The following CLCN6 variants were observed in gnomAD, a reference collection of about 807,000 sequenced individuals.
The protein encoded by CLCN6 is H(+)/Cl(-) exchange transporter 6.
CLCN6 carries 70 observed loss-of-function variants against 109.8 expected under a neutral mutation model. The ratio of observed to expected loss-of-function variants is 0.64; its 90% CI spans 0.53 to 0.78. CLCN6 has a LOEUF of 0.78. CLCN6 is among the 30% of genes least tolerant of loss of function. The probability of loss-of-function intolerance (pLI) is 0.00; values close to 1 mark genes in which losing one functional copy is unlikely to be tolerated. For synonymous variants in CLCN6, 444 were observed against 447.8 expected, an observed-to-expected ratio of 0.99 and a Z score of 0.11; for missense variants, 984 against 1,142.3, an observed-to-expected ratio of 0.86 and a Z score of 2.00.
Position 11,834,644 on chromosome 1 carries a change from C to A in CLCN6, c.1793+54C>A. On this transcript the variant is annotated intron_variant, in intron 17 of 22. Transcript: ENST00000346436. This position sits in a 1 kb window ranked among gnomAD's most constrained non-coding sequence, Gnocchi z 4.5. ...GTTTCAGAATGTATAAGCTCTGAGG[C>A]CTAAGGAATGTTGTTATTAGGGTAG... 7.0e-7 allele frequency: 1 copy of A among 1,432,274 alleles called. No individual in the cohort carries two copies. Among genetic ancestry groups the A allele is most frequent in the Non-Finnish European group, 9.8e-7 (1 of 1,021,128 alleles). The allele number at this position is 1,432,274 out of a possible 1,614,324, so 88.7% of individuals were successfully genotyped here.
In CLCN6 at chr1:11,829,283, C is replaced by T. The variant is rs745864570; in HGVS notation, c.1209C>T (p.Ser403=). ...TGTTAGGAGAATGCCGACAGATGTC[C>T]TCTTCGAGTCAAATCGGTAATGACT... ...SMVLGECRQM[S]SSSQIGNDSF... The change falls in exon 13 of 23, where the codon TCC becomes TCT. Residue 403 remains serine, a synonymous_variant. Coordinates refer to ENST00000346436, the MANE Select transcript of CLCN6 (RefSeq NM_001286.5). The T allele has an allele frequency of 6.8e-6, 11 of 1,614,044 alleles. No individual in the cohort carries two copies. The highest frequency in any genetic ancestry group is 4.5e-5 in the East Asian group (2 of 44,898).
In CLCN6 at chr1:11,815,836, C is replaced by T. The variant is rs750352468; in HGVS notation, c.148-10C>T. ...ACATGACCTTTTGACTCAACTTTGC[C>T]TCTTTTCAGAGTTTGGATTATGATC... On this transcript the variant is annotated splice_polypyrimidine_tract_variant and intron_variant, in intron 2 of 22. Coordinates refer to ENST00000346436, the MANE Select transcript of CLCN6 (RefSeq NM_001286.5). 6 of 1,612,514 alleles carry T rather than the reference C, an allele frequency of 3.7e-6. No individual in the cohort carries two copies. The highest frequency in any genetic ancestry group is 4.2e-6 in the Non-Finnish European group (5 of 1,178,950).
intron 13 of CLCN6, among the ~76,000 whole-genome samples, chr1:11,831,164 T>G (rs1031520881): frequency 5.0e-5 from 6 of 118,836 alleles, no homozygotes; most frequent in African/African-American, 2.2e-4. Flanking sequence ...TTTTTGTTTT[T>G]GTTTTTGTTT....
At chr1:11,811,402 G>T (rs1262317228) in intron 2 of CLCN6, among the ~76,000 whole-genome samples, 4 of 144,898 alleles carry the variant, frequency 2.8e-5, no homozygotes, top group Admixed American at 6.8e-5. Context: ...TTTTTTTTGA[G>T]ACGGAGTTTC....
chr1:11,832,892 G>T (rs1470049995), intron 13 of CLCN6, among the ~76,000 whole-genome samples: 1 of 152,184 alleles, frequency 6.6e-6, no homozygotes, highest in Non-Finnish European at 1.5e-5. Flanking sequence ...AGTAGTAGAA[G>T]AAATAATCTC....
chr1:11,833,377 G>T, intron 13 of CLCN6, 138 bp from the exon 14 acceptor site: 2 of 715,534 alleles, frequency 2.8e-6, no homozygotes, highest in Non-Finnish European at 2.4e-6. Flanking sequence ...GGCTGCCGTT[G>T]GTAGAGGTCA....
rs940188273 is a variant in CLCN6 at position 11,823,730 on chromosome 1, A to G, written c.477A>G (p.Ile159Met). The G allele has an allele frequency of 6.2e-7, 1 of 1,614,204 alleles. No homozygotes were observed. The highest frequency in any genetic ancestry group is 1.1e-5 in the South Asian group (1 of 91,084). The change falls in exon 7 of 23, where the codon ATA becomes ATG. Residue 159 changes from isoleucine (I) to methionine (M), a missense_variant. Coordinates refer to ENST00000346436, the MANE Select transcript of CLCN6 (RefSeq NM_001286.5). ...AGCCGGTGGCAGCAGGTTCCGGGAT[A>G]CCCGAGGTCAAATGCTATCTGAATG... The part of the protein sequence containing the change: ...LIEPVAAGSG[I>M]PEVKCYLNGV...
intron 4 of CLCN6, 26 bp from the exon 5 acceptor site, chr1:11,819,462 T>G: frequency 6.2e-7 from 1 of 1,608,232 alleles, no homozygotes; most frequent in South Asian, 1.1e-5. Context: ...AATAAGGCTG[T>G]GTGACAGATC....
intron 2 of CLCN6, among the ~76,000 whole-genome samples, chr1:11,810,536 C>T (rs1455444724): frequency 6.6e-6 from 1 of 152,198 alleles, no homozygotes; most frequent in Non-Finnish European, 1.5e-5. Context: ...TCAGCCCCCA[C>T]CTCCCTCCCG....
At position 11,807,137 on chromosome 1, in the gene CLCN6, C is replaced by A; in HGVS notation, c.94C>A (p.Leu32Ile). The A allele has an allele frequency of 1.2e-6, 2 of 1,614,162 alleles. No individual in the cohort carries two copies. Among genetic ancestry groups the A allele is most frequent in the African/African-American group, 2.7e-5 (2 of 75,064 alleles). Residue 32 changes from leucine to isoleucine, a missense_variant, in exon 2 of 23, where the codon CTT (leucine) becomes ATT (isoleucine). Physicochemically the swap from Leu to Ile is conservative, Grantham distance 5 (BLOSUM62 2). Coordinates refer to ENST00000346436, the MANE Select transcript of CLCN6 (RefSeq NM_001286.5). The stretch of plus-strand genomic sequence containing the variant: ...TGCGGATCTGTTTTTCTAGACCATC[C>A]TTGGAGAAACACAGGAGGAGGAGGA... Reference protein sequence around the residue: ...ETRTPEELTILGETQEEEDEI... With the variant: ...ETRTPEELTIIGETQEEEDEI...
chr1:11,819,581 C>G, intron 5 of CLCN6, 27 bp downstream of exon 5: 3 of 1,602,852 alleles, frequency 1.9e-6, no homozygotes, highest in Middle Eastern at 1.7e-4. Context: ...TCCTGGTGTT[C>G]GTGGACTTCA....
chr1:11,834,145 T>C lies in CLCN6; in HGVS notation c.1527-91T>C. 1 of 1,595,862 alleles carries C rather than the reference T, an allele frequency of 6.3e-7. No homozygotes were observed. The highest frequency in any genetic ancestry group is 8.5e-7 in the Non-Finnish European group (1 of 1,171,662). ...GTGTCTGTGCCCATGCATGCACATA[T>C]GTGCATAGGCACAAGAGTATGAGCT... On this transcript the variant is annotated intron_variant, in intron 15 of 22. Coordinates refer to ENST00000346436, the MANE Select transcript of CLCN6 (RefSeq NM_001286.5). This position sits in a 1 kb window ranked among gnomAD's most constrained non-coding sequence, Gnocchi z 4.5.
chr1:11,809,606 C>T (rs1304150614), intron 2 of CLCN6, among the ~76,000 whole-genome samples: 3 of 152,080 alleles, frequency 2.0e-5, no homozygotes, highest in Non-Finnish European at 4.4e-5. Flanking sequence ...TACATGCATA[C>T]ACCACCATGC....
At chr1:11,837,631 G>C (rs1214483396) in intron 20 of CLCN6, 132 bp downstream of exon 20, 6 of 887,226 alleles carry the variant, frequency 6.8e-6, no homozygotes, top group South Asian at 1.7e-5. Flanking sequence ...AGTGGACTTA[G>C]GGGAGGAGTC....
chr1:11,823,215 G>C (rs542255796), intron 6 of CLCN6, among the ~76,000 whole-genome samples: 22 of 152,322 alleles, frequency 1.4e-4, no homozygotes, highest in Admixed American at 1.2e-3. Flanking sequence ...TGGCCACTTT[G>C]GGAGGCCAAG....
At chr1:11,831,187 C>A (rs1167566374) in intron 13 of CLCN6, among the ~76,000 whole-genome samples, 5 of 150,342 alleles carry the variant, frequency 3.3e-5, no homozygotes, top group Admixed American at 6.7e-5. Flanking sequence ...GGCAAAGTCT[C>A]ACTCTGTTGC....
intron 2 of CLCN6, among the ~76,000 whole-genome samples, chr1:11,811,473 C>T (rs775110318): frequency 5.9e-5 from 9 of 151,892 alleles, no homozygotes; most frequent in Non-Finnish European, 2.9e-5. Flanking sequence ...ACCTCTGCCT[C>T]CCGGGTTCAA....
intron 18 of CLCN6, among the ~76,000 whole-genome samples, chr1:11,836,770 T>G (rs198404): frequency 2.0e-5 from 3 of 152,060 alleles, no homozygotes; most frequent in African/African-American, 7.3e-5. Flanking sequence ...CTCTGGAGAA[T>G]CAAGCTGCTC....
intron 14 of CLCN6, 96 bp downstream of exon 14, chr1:11,833,734 T>G (rs1041400896): frequency 1.3e-6 from 2 of 1,578,036 alleles, no homozygotes; most frequent in African/African-American, 2.7e-5. Context: ...AGGACTTCTT[T>G]GTAACGCCCA....
Sources: allele counts gnomAD v4.1 joint callset (sites outside exome capture counted in the v4.1 genomes callset), GRCh38; gene constraint gnomAD v4.1.1; non-coding constraint Gnocchi (gnomAD v3.1); transcripts MANE v1.5; gene names NCBI Gene and HGNC (gene_info 2026-07-23, HGNC 2026-07-21).